FAT4: variants seen among roughly 807,000 people sequenced by gnomAD.
FAT4 encodes the protein FAT atypical cadherin 4.
FAT4 carries 84 observed loss-of-function variants against 303.9 expected under a neutral mutation model. That is an observed-to-expected ratio of 0.28 (90% CI 0.23 to 0.33). The LOEUF is 0.33. Among genes scored for constraint, FAT4 ranks in the 10% least tolerant of loss-of-function variants. The pLI, the probability that FAT4 is intolerant of heterozygous loss-of-function variation, is 1.00. For synonymous variants in FAT4, 2,307 were observed against 2,298.8 expected (o/e 1.00, Z -0.10); for missense variants, 6,005 against 6,146.8 (o/e 0.98, Z 0.77).
intron 10 of FAT4, among the ~76,000 whole-genome samples, chr4:125,453,810 A>G (rs920256670): frequency 1.4e-4 from 22 of 152,208 alleles, no homozygotes; most frequent in Admixed American, 1.3e-3. Context: ...GCTTATCTTG[A>G]CAGACTAGAA....
chr4:125,396,972 T>A (rs1457327710), intron 2 of FAT4, among the ~76,000 whole-genome samples: 1 of 148,992 alleles, frequency 6.7e-6, no homozygotes, highest in Non-Finnish European at 1.5e-5. Context: ...ATATAAAATA[T>A]GTATGTGTGT....
intron 5 of FAT4, among the ~76,000 whole-genome samples, chr4:125,414,400 A>T (rs1488315769): frequency 6.6e-6 from 1 of 152,158 alleles, no homozygotes; most frequent in Non-Finnish European, 1.5e-5. Flanking sequence ...TATTGTCTCA[A>T]AGGTCCATTA....
chr4:125,459,712 T>A (rs903922978), intron 10 of FAT4, among the ~76,000 whole-genome samples: 1 of 152,076 alleles, frequency 6.6e-6, no homozygotes, highest in Non-Finnish European at 1.5e-5. Context: ...TCAGCATACT[T>A]CCAAGCCTGA....
At chr4:125,369,026 G>T (rs945713696) in intron 2 of FAT4, among the ~76,000 whole-genome samples, 1 of 152,112 alleles carries the variant, frequency 6.6e-6, no homozygotes, top group Non-Finnish European at 1.5e-5. Context: ...TATGCCAAGG[G>T]AGAGTCATAT....
intron 2 of FAT4, among the ~76,000 whole-genome samples, chr4:125,376,420 C>T (rs1733320526): frequency 6.6e-6 from 1 of 151,780 alleles, no homozygotes; most frequent in Non-Finnish European, 1.5e-5. Context: ...ACATCACACA[C>T]CGGGGCCTGT....
chr4:125,407,196 T>G (rs757900791), intron 4 of FAT4, 55 bp downstream of exon 4: 14 of 1,500,814 alleles, frequency 9.3e-6, no homozygotes, highest in Admixed American at 3.8e-5. Context: ...GAACCAAAAT[T>G]ACATACTATG....
chr4:125,440,493 T>G (rs1725615413), intron 8 of FAT4, among the ~76,000 whole-genome samples: 1 of 152,068 alleles, frequency 6.6e-6, no homozygotes, highest in African/African-American at 2.4e-5. Context: ...ATCCTGCATC[T>G]CTGATCACAC....
intron 5 of FAT4, among the ~76,000 whole-genome samples, chr4:125,410,415 A>T (rs1023215704): frequency 1.3e-5 from 2 of 152,138 alleles, no homozygotes; most frequent in Non-Finnish European, 2.9e-5. Context: ...GATTGGCTCC[A>T]GTTAGATATC....
At position 125,321,592 on chromosome 4, in the gene FAT4, G is replaced by T. The variant is rs1730955452; in HGVS notation, c.5175+6G>T. On this transcript the variant is annotated splice_donor_region_variant and intron_variant, in intron 2 of 17. Coordinates refer to ENST00000394329, the MANE Select transcript of FAT4 (RefSeq NM_001291303.3). ...CCAGAACACAGAGAGCAGAGGTAAT[G>T]ATTTTGTAGTCATTTATTATTTGTT... 3 of 1,566,280 alleles carry T rather than the reference G, an allele frequency of 1.9e-6. No homozygotes were observed. The highest frequency in any genetic ancestry group is 2.6e-6 in the Non-Finnish European group (3 of 1,159,516).
At chr4:125,365,841 G>A (rs1323295374) in intron 2 of FAT4, among the ~76,000 whole-genome samples, 3 of 152,112 alleles carry the variant, frequency 2.0e-5, no homozygotes, top group Non-Finnish European at 4.4e-5. Flanking sequence ...GTACAGGTTC[G>A]TTATATAGGT....
intron 2 of FAT4, among the ~76,000 whole-genome samples, chr4:125,396,574 A>T (rs1174528889): frequency 6.6e-6 from 1 of 152,036 alleles, no homozygotes; most frequent in African/African-American, 2.4e-5. Flanking sequence ...ACACATACTT[A>T]CATAAACACA....
In FAT4 at chr4:125,485,700, G is replaced by A. The variant is rs560217400; in HGVS notation, c.12823-1645G>A. Among the ~76,000 whole-genome samples the A allele has an allele frequency of 2.8e-4, 42 of 152,148 alleles. No homozygotes were observed. In the South Asian group the frequency reaches 8.1e-3, roughly 29 times the overall value. Reference sequence around the variant, plus strand: ...CCTCTAAAATAATGATTAAAAAAACGGTGTAGTAAATGCATAAACCACTAA... The same window carrying A: ...CCTCTAAAATAATGATTAAAAAAACAGTGTAGTAAATGCATAAACCACTAA... On this transcript the variant is annotated intron_variant, in intron 16 of 17. Coordinates refer to ENST00000394329, the MANE Select transcript of FAT4 (RefSeq NM_001291303.3).
At chr4:125,440,871 G>T (rs1042280899) in intron 8 of FAT4, among the ~76,000 whole-genome samples, 5 of 152,096 alleles carry the variant, frequency 3.3e-5, no homozygotes, top group African/African-American at 1.2e-4. Context: ...GTCTTGGTTT[G>T]TTTTTTACCA....
intron 11 of FAT4, among the ~76,000 whole-genome samples, chr4:125,467,338 A>G (rs1260251555): frequency 6.6e-6 from 1 of 152,210 alleles, no homozygotes; most frequent in African/African-American, 2.4e-5. Flanking sequence ...TTCTAGCTGA[A>G]CAATTCTCTC....
chr4:125,341,569 A>C (rs1378884766), intron 2 of FAT4, among the ~76,000 whole-genome samples: 2 of 152,092 alleles, frequency 1.3e-5, no homozygotes, highest in African/African-American at 4.8e-5. Flanking sequence ...TATGCTGAAC[A>C]TCTTTTTAAA....
chr4:125,451,259 G>A lies in FAT4; in HGVS notation c.10249G>A (p.Glu3417Lys). ...TLNIYSVQISEGVPIGTHVTF... is the reference protein window; with the variant it reads ...TLNIYSVQISKGVPIGTHVTF... ...AAACATCTACAGTGTGCAGATCAGT[G>A]AAGGGGTCCCAATAGGAACTCATGT... Residue 3417 changes from glutamate to lysine, a missense_variant, in exon 10 of 18, where the codon GAA becomes AAA. Coordinates refer to ENST00000394329, the MANE Select transcript of FAT4 (RefSeq NM_001291303.3). The A allele has an allele frequency of 6.2e-7, 1 of 1,614,126 alleles. No individual in the cohort carries two copies.
Position 125,408,426 on chromosome 4 carries a change from A to AATTT in FAT4, c.5570-14_5570-11dup, listed in dbSNP as rs1479598914. On this transcript the variant is annotated splice_polypyrimidine_tract_variant and intron_variant, in intron 4 of 17. Transcript: ENST00000394329. Reference sequence around the variant, plus strand: ...CTTACTTCCTTGATTTTATACTATTAATTTATTCTTTTGATAGGTTCTTTG... The same window carrying AATTT: ...CTTACTTCCTTGATTTTATACTATTAATTTATTTATTCTTTTGATAGGTTCTTTG... 1 of 1,487,886 alleles carries AATTT rather than the reference A, an allele frequency of 6.7e-7. No homozygotes were observed. The highest frequency in any genetic ancestry group is 1.4e-5 in the African/African-American group (1 of 71,118). 92.2% of individuals were successfully genotyped at this position (1,487,886 alleles called of 1,614,324 possible).
At position 125,449,187 on chromosome 4, in the gene FAT4, A is replaced by G. The variant is rs1379139133; in HGVS notation, c.8177A>G (p.Glu2726Gly). ...NSFSINHATG[E>G]IRSVRPLDRE... Reference sequence around the variant, plus strand: ...TTCAGTATCAATCATGCTACTGGTGAAATTAGAAGCGTTAGACCTTTGGAC... The same window carrying G: ...TTCAGTATCAATCATGCTACTGGTGGAATTAGAAGCGTTAGACCTTTGGAC... Residue 2726 changes from glutamate (E) to glycine (G), a missense_variant, in exon 10 of 18, where the codon GAA becomes GGA. Transcript: ENST00000394329. The G allele has an allele frequency of 6.2e-7, 1 of 1,613,994 alleles. No individual in the cohort carries two copies. The highest frequency in any genetic ancestry group is 8.5e-7 in the Non-Finnish European group (1 of 1,179,908).
At chr4:125,326,178 TA>T (rs1375765927) in intron 2 of FAT4, among the ~76,000 whole-genome samples, 9 of 152,094 alleles carry the variant, frequency 5.9e-5, no homozygotes, top group Admixed American at 5.9e-4. Flanking sequence ...AATCTGATAA[TA>T]AATTAATTTA....
Sources: allele counts gnomAD v4.1 joint callset (sites outside exome capture counted in the v4.1 genomes callset), GRCh38; gene constraint gnomAD v4.1.1; transcripts MANE v1.5; gene names NCBI Gene and HGNC (gene_info 2026-07-23, HGNC 2026-07-21).